Variants in UNC13C observed in about 807,000 individuals in gnomAD.
UNC13C encodes protein unc-13 homolog C.
In UNC13C, 174 loss-of-function variants were observed where a neutral mutation model predicts 245.4. The ratio of observed to expected loss-of-function variants is 0.71; its 90% confidence interval spans 0.63 to 0.80. The LOEUF (loss-of-function observed/expected upper bound fraction) is 0.80, where lower values mean the gene tolerates loss of function less well. Among genes scored for constraint, UNC13C ranks in the 30% least tolerant of loss-of-function variants. The pLI is 0.00. For missense variants in UNC13C, 2,829 were observed against 2,602.9 expected, an observed-to-expected ratio of 1.09 and a Z score of -1.89; for synonymous variants, 992 against 895.1, an observed-to-expected ratio of 1.11 and a Z score of -1.93.
the UNC13C span, among the ~76,000 whole-genome samples, chr15:53,926,335 AC>A: frequency 6.6e-6 from 1 of 152,172 alleles, no homozygotes; most frequent in East Asian, 1.9e-4. Flanking sequence ...TCCTAGGGAA[AC>A]CACTTGATTT....
chr15:54,237,586 T>A, intron 6 of UNC13C, 33 bp from the exon 7 acceptor site: 2 of 1,551,930 alleles, frequency 1.3e-6, no homozygotes, highest in Non-Finnish European at 1.8e-6. Flanking sequence ...AACCTCCCTA[T>A]GTATTAATAA....
intron 28 of UNC13C, among the ~76,000 whole-genome samples, chr15:54,550,144 T>C (rs1478836147): frequency 6.6e-6 from 1 of 152,146 alleles, no homozygotes; most frequent in Non-Finnish European, 1.5e-5. Flanking sequence ...GAAACTTCAG[T>C]CCCTGTTCCT....
intron 19 of UNC13C, among the ~76,000 whole-genome samples, chr15:54,471,077 A>G (rs980396310): frequency 5.3e-5 from 8 of 151,488 alleles, no homozygotes; most frequent in African/African-American, 1.9e-4. Context: ...AAGATACTTC[A>G]TATGATTTTG....
chr15:53,981,613 C>A (rs551774030), intron 1 of UNC13C, among the ~76,000 whole-genome samples: 1 of 152,186 alleles, frequency 6.6e-6, no homozygotes, highest in Admixed American at 6.5e-5. Flanking sequence ...CTCCAACTTT[C>A]TTCTAGCTTA....
the UNC13C span, among the ~76,000 whole-genome samples, chr15:53,871,510 C>A: frequency 6.6e-6 from 1 of 152,146 alleles, no homozygotes; most frequent in South Asian, 2.1e-4. Flanking sequence ...TTGGTGCCTT[C>A]TATGCAAGGC....
At chr15:54,581,918 C>A (rs2141240432) in intron 30 of UNC13C, among the ~76,000 whole-genome samples, 1 of 152,082 alleles carries the variant, frequency 6.6e-6, no homozygotes, top group African/African-American at 2.4e-5. Context: ...AATTTTGAGG[C>A]TCAAGAATGT....
At chr15:54,490,982 C>G (rs1893675403) in intron 19 of UNC13C, among the ~76,000 whole-genome samples, 1 of 152,144 alleles carries the variant, frequency 6.6e-6, no homozygotes, top group African/African-American at 2.4e-5. Flanking sequence ...CATCCTGTAC[C>G]TGTCGAAAAT....
At position 54,076,412 on chromosome 15, in the gene UNC13C, T is replaced by C. The variant is rs376304125; in HGVS notation, c.2983+60526T>C. Among the ~76,000 whole-genome samples the C allele has an allele frequency of 2.0e-5, 3 of 151,958 alleles. No homozygotes were observed. In the East Asian group the frequency reaches 5.8e-4, roughly 29 times the overall value. On this transcript the variant is annotated intron_variant, in intron 2 of 32. Coordinates refer to ENST00000260323, the MANE Select transcript of UNC13C (RefSeq NM_001080534.3). The stretch of plus-strand genomic sequence containing the variant: ...CTGAGAATGATGGTTTCCAGTTTCA[T>C]CCATGTCCCTACAAAGGACATGAAC...
intron 30 of UNC13C, among the ~76,000 whole-genome samples, chr15:54,606,161 C>T (rs1351642037): frequency 1.3e-5 from 2 of 152,278 alleles, no homozygotes; most frequent in East Asian, 1.9e-4. Flanking sequence ...TATTACTTGT[C>T]GTTGTAGCAA....
chr15:54,355,244 T>G (rs546278303), intron 17 of UNC13C, among the ~76,000 whole-genome samples: 1 of 152,368 alleles, frequency 6.6e-6, no homozygotes, highest in African/African-American at 2.4e-5. Flanking sequence ...ACTTTACTTA[T>G]GTAATTATCA....
At chr15:54,184,440 C>G (rs2033904268) in intron 4 of UNC13C, among the ~76,000 whole-genome samples, 1 of 152,032 alleles carries the variant, frequency 6.6e-6, no homozygotes, top group Non-Finnish European at 1.5e-5. Flanking sequence ...ACAACAGTCC[C>G]CGGTGTGTGA....
chr15:54,487,005 T>G (rs1320170863), intron 19 of UNC13C, among the ~76,000 whole-genome samples: 2 of 152,154 alleles, frequency 1.3e-5, no homozygotes, highest in Non-Finnish European at 2.9e-5. Flanking sequence ...AAGAGGAATG[T>G]CCAACTGGAA....
intron 30 of UNC13C, among the ~76,000 whole-genome samples, chr15:54,582,753 C>T (rs993618946): frequency 1.5e-4 from 23 of 152,052 alleles, no homozygotes; most frequent in South Asian, 1.2e-3. Flanking sequence ...TGAATTATGA[C>T]GACCACCACT....
At chr15:54,219,296 A>G (rs1237782168) in intron 4 of UNC13C, among the ~76,000 whole-genome samples, 19 of 151,126 alleles carry the variant, frequency 1.3e-4, no homozygotes, top group African/African-American at 3.9e-4. Flanking sequence ...ATAATGCCAC[A>G]TATCTACAAC....
At chr15:54,105,517 G>C (rs1260266982) in intron 2 of UNC13C, among the ~76,000 whole-genome samples, 2 of 152,102 alleles carry the variant, frequency 1.3e-5, no homozygotes, top group African/African-American at 4.8e-5. Context: ...AGTCACAACA[G>C]GCAGAAGAAA....
At chr15:54,434,665 T>C (rs1567268787) in intron 19 of UNC13C, among the ~76,000 whole-genome samples, 1 of 152,052 alleles carries the variant, frequency 6.6e-6, no homozygotes, top group Non-Finnish European at 1.5e-5. Flanking sequence ...ATTCAAGACA[T>C]AGGCATGAGC....
chr15:54,113,227 A>T (rs1309207740), intron 2 of UNC13C, among the ~76,000 whole-genome samples: 1 of 152,110 alleles, frequency 6.6e-6, no homozygotes, highest in Non-Finnish European at 1.5e-5. Context: ...AGAGAAAAGG[A>T]GGGAGGGAAG....
chr15:54,532,687 A>T (rs1037625559), intron 25 of UNC13C, among the ~76,000 whole-genome samples: 1 of 152,136 alleles, frequency 6.6e-6, no homozygotes, highest in Non-Finnish European at 1.5e-5. Context: ...ATGAACCTCC[A>T]CTCAAATTAA....
intron 19 of UNC13C, among the ~76,000 whole-genome samples, chr15:54,449,126 G>A: frequency 6.6e-6 from 1 of 152,220 alleles, no homozygotes; most frequent in East Asian, 1.9e-4. Context: ...GGCTTGTGGA[G>A]TTTCTGCCGA....
Sources: allele counts gnomAD v4.1 joint callset (sites outside exome capture counted in the v4.1 genomes callset), GRCh38; gene constraint gnomAD v4.1.1; transcripts MANE v1.5; gene names NCBI Gene and HGNC (gene_info 2026-07-23, HGNC 2026-07-21).